The following UTRN variants were observed in gnomAD, a reference collection of about 807,000 sequenced individuals.
The protein encoded by UTRN is utrophin.
Under a neutral mutation model 463.9 loss-of-function variants are expected in UTRN, and 283 were observed. That is an observed-to-expected ratio of 0.61 (90% CI 0.55 to 0.67). UTRN has a LOEUF of 0.67. UTRN is among the 30% of genes least tolerant of loss of function. UTRN has a pLI of 0.00. For synonymous variants in UTRN, 1,442 were observed against 1,431.5 expected, an observed-to-expected ratio of 1.01 and a Z score of -0.17; for missense variants, 3,922 against 4,084.3, an observed-to-expected ratio of 0.96 and a Z score of 1.08.
Position 144,551,008 on chromosome 6 carries a change from A to G in UTRN, c.6854A>G (p.Tyr2285Cys), listed in dbSNP as rs142325102. 25 of 1,612,534 alleles carry G rather than the reference A, an allele frequency of 1.6e-5. No homozygotes were observed. In the African/African-American group the frequency reaches 2.0e-4, roughly 13 times the overall value. ...DLEQRHPQLDYVFTLAQNLKN... is the reference protein window; with the variant it reads ...DLEQRHPQLDCVFTLAQNLKN... ...GAACAGCGCCATCCTCAGCTGGATT[A>G]TGTTTTTACATTGGCACAGAATTTG... The change falls in exon 48 of 75, where the codon TAT becomes TGT. Residue 2285 changes from tyrosine (Y) to cysteine (C), a missense_variant. Tyr to Cys is a radical substitution (Grantham distance 194). Transcript: ENST00000367545.
Position 144,428,830 on chromosome 6 carries a change from C to G in UTRN, c.631C>G (p.Leu211Val). ...TGTCAAAATGTCACCAATTGAGAGA[C>G]TTGAACATGCCTTCAGCAAGGCTCA... Reference protein sequence around the residue: ...KVVKMSPIERLEHAFSKAQTY... With the variant: ...KVVKMSPIERVEHAFSKAQTY... Residue 211 changes from leucine to valine, a missense_variant, in exon 8 of 75, where the codon CTT becomes GTT. This residue lies in a region of UTRN where 264 missense variants were observed against 327.9 expected (regional missense o/e 0.81). Coordinates refer to ENST00000367545, the MANE Select transcript of UTRN (RefSeq NM_007124.3). 6.2e-7 allele frequency: 1 copy of G among 1,612,554 alleles called. No individual in the cohort carries two copies. The highest frequency in any genetic ancestry group is 8.5e-7 in the Non-Finnish European group (1 of 1,179,560).
rs542428750 is a variant in UTRN at position 144,531,279 on chromosome 6, G to T, written c.6057+77G>T. 12 of 1,314,826 alleles carry T rather than the reference G, an allele frequency of 9.1e-6. No homozygotes were observed. In the South Asian group the frequency reaches 2.9e-4, roughly 32 times the overall value. 81.4% of individuals were successfully genotyped at this position (1,314,826 alleles called of 1,614,324 possible). A position where few individuals can be genotyped will look rare whatever the true frequency, so the allele number is the denominator to read the frequency against. The stretch of plus-strand genomic sequence containing the variant: ...CTGTTAAGACAGATTTCAGAAGTAG[G>T]GACAAAATATATTAATTTTTCAGAA... On this transcript the variant is annotated intron_variant, in intron 42 of 74. Transcript: ENST00000367545.
At chr6:144,619,054 AG>A (rs1377097718) in intron 51 of UTRN, among the ~76,000 whole-genome samples, 2 of 152,168 alleles carry the variant, frequency 1.3e-5, no homozygotes, top group Non-Finnish European at 2.9e-5. Flanking sequence ...GCTGACACTT[AG>A]CAATAGCCCA....
intron 50 of UTRN, among the ~76,000 whole-genome samples, chr6:144,564,367 A>G (rs1332913710): frequency 2.0e-5 from 3 of 152,152 alleles, no homozygotes; most frequent in Admixed American, 6.6e-5. Context: ...TATAAAAGTC[A>G]TGAGGCAGGA....
chr6:144,347,652 G>A (rs1333799918), intron 2 of UTRN, among the ~76,000 whole-genome samples: 3 of 152,110 alleles, frequency 2.0e-5, no homozygotes, highest in Admixed American at 6.5e-5. Flanking sequence ...TGATCTGGGG[G>A]AATGCTGAAC....
chr6:144,719,548 C>T (rs960800379), intron 53 of UTRN, among the ~76,000 whole-genome samples: 3 of 152,052 alleles, frequency 2.0e-5, no homozygotes, highest in African/African-American at 2.4e-5. Context: ...TTGCACTCAA[C>T]GCTGGGCAAC....
At chr6:144,602,950 A>T (rs907457499) in intron 51 of UTRN, among the ~76,000 whole-genome samples, 6 of 152,200 alleles carry the variant, frequency 3.9e-5, no homozygotes, top group Admixed American at 2.6e-4. Context: ...AAACCAAAAA[A>T]ATTGTGTGAC....
chr6:144,824,347 T>C (rs1461723914), intron 66 of UTRN, among the ~76,000 whole-genome samples: 1 of 150,908 alleles, frequency 6.6e-6, no homozygotes, highest in Non-Finnish European at 1.5e-5. Flanking sequence ...CTAATGACAA[T>C]TTAAGGCACT....
At chr6:144,410,613 T>TA (rs1783803816) in intron 3 of UTRN, among the ~76,000 whole-genome samples, 1 of 151,314 alleles carries the variant, frequency 6.6e-6, no homozygotes, top group South Asian at 2.1e-4. Context: ...GTCCATTGTA[T>TA]CATTCTTATA....
At chr6:144,451,201 T>C (rs937284192) in intron 17 of UTRN, among the ~76,000 whole-genome samples, 169 bp from the exon 18 acceptor site, 2 of 152,210 alleles carry the variant, frequency 1.3e-5, no homozygotes, top group Non-Finnish European at 2.9e-5. Context: ...ATACTTTTAG[T>C]TGTAAATATA....
chr6:144,344,283 C>T, intron 2 of UTRN: 2 of 1,304,142 alleles, frequency 1.5e-6, no homozygotes, highest in Non-Finnish European at 2.0e-6. Context: ...TGTAGCTCTC[C>T]AGGCTTGCAA....
intron 50 of UTRN, among the ~76,000 whole-genome samples, chr6:144,572,547 T>A (rs770132134): frequency 8.6e-5 from 13 of 151,996 alleles, no homozygotes; most frequent in Non-Finnish European, 1.6e-4. Context: ...TCCCTTCCCT[T>A]GCCCCCCACC....
intron 65 of UTRN, among the ~76,000 whole-genome samples, chr6:144,816,931 C>A (rs1469511117): frequency 6.6e-6 from 1 of 151,980 alleles, no homozygotes; most frequent in Non-Finnish European, 1.5e-5. Flanking sequence ...AACCACATGG[C>A]ATCTAATCAG....
intron 50 of UTRN, among the ~76,000 whole-genome samples, chr6:144,565,745 G>A (rs1013005598): frequency 6.6e-6 from 1 of 152,152 alleles, no homozygotes; most frequent in Non-Finnish European, 1.5e-5. Context: ...GACATTCCTG[G>A]TGATTTTGGA....
At chr6:144,361,803 G>A (rs7773609) in intron 2 of UTRN, among the ~76,000 whole-genome samples, 2 of 144,280 alleles carry the variant, frequency 1.4e-5, no homozygotes, top group African/African-American at 2.7e-5. Flanking sequence ...ATGGGGTCTC[G>A]CTATGTTGCC....
chr6:144,765,886 T>A (rs939637905), intron 58 of UTRN, among the ~76,000 whole-genome samples: 2 of 131,122 alleles, frequency 1.5e-5, no homozygotes, highest in Non-Finnish European at 3.6e-5. Flanking sequence ...TTGGACAGAA[T>A]TTTTTTTTTC....
chr6:144,694,787 A>G (rs2128694469), intron 52 of UTRN, among the ~76,000 whole-genome samples: 1 of 151,614 alleles, frequency 6.6e-6, no homozygotes, highest in South Asian at 2.1e-4. Context: ...TTTCTTCTTT[A>G]TTAGTCTTGC....
intron 63 of UTRN, among the ~76,000 whole-genome samples, chr6:144,794,312 T>A (rs1471033450): frequency 6.6e-6 from 1 of 152,140 alleles, no homozygotes; most frequent in Non-Finnish European, 1.5e-5. Flanking sequence ...ACTGTTTTAT[T>A]TCCTTGATTC....
At chr6:144,802,017 G>A (rs1348272703) in intron 64 of UTRN, among the ~76,000 whole-genome samples, 1 of 152,164 alleles carries the variant, frequency 6.6e-6, no homozygotes, top group Non-Finnish European at 1.5e-5. Context: ...CTAAGAAACA[G>A]TAATTTTCTC....
Sources: allele counts gnomAD v4.1 joint callset (sites outside exome capture counted in the v4.1 genomes callset), GRCh38; gene constraint gnomAD v4.1.1; regional missense constraint gnomAD v4.1.1; transcripts MANE v1.5; gene names NCBI Gene and HGNC (gene_info 2026-07-23, HGNC 2026-07-21).